The following ASCC3 variants were observed in gnomAD, a reference collection of about 807,000 sequenced individuals.
The protein encoded by ASCC3 is ASC-1 complex subunit P200.
Under a neutral mutation model 256.3 loss-of-function variants are expected in ASCC3, and 158 were observed. The observed-to-expected ratio is 0.62, with a 90% CI of 0.54 to 0.70. ASCC3 has a LOEUF of 0.70. Among genes scored for constraint, ASCC3 ranks in the 30% least tolerant of loss-of-function variants. ASCC3 has a pLI of 0.00. For missense variants in ASCC3, 2,259 were observed against 2,626.0 expected (o/e 0.86, Z 3.05); for synonymous variants, 948 against 883.4 (o/e 1.07, Z -1.30).
intron 34 of ASCC3, among the ~76,000 whole-genome samples, chr6:100,597,012 ATC>A (rs1327557408): frequency 1.3e-5 from 2 of 152,070 alleles, no homozygotes; most frequent in African/African-American, 4.8e-5. Flanking sequence ...CAGCCTTAAT[ATC>A]TCTCTTGTTC....
chr6:100,834,080 T>C (rs1248114334), intron 4 of ASCC3, among the ~76,000 whole-genome samples: 2 of 152,130 alleles, frequency 1.3e-5, no homozygotes, highest in East Asian at 1.9e-4. Context: ...ACAAAAATTA[T>C]CTAGCTAAAT....
At chr6:100,846,137 A>G (rs536864335) in intron 4 of ASCC3, among the ~76,000 whole-genome samples, 1,563 of 83,330 alleles carry the variant, frequency 0.019, 25 homozygotes, top group African/African-American at 0.061. Flanking sequence ...TAGACAACAC[A>G]TAAGGTATAG....
At chr6:100,739,696 T>G (rs929226532) in intron 10 of ASCC3, among the ~76,000 whole-genome samples, 13 of 152,220 alleles carry the variant, frequency 8.5e-5, no homozygotes, top group African/African-American at 2.9e-4. Context: ...CTTATCTGCT[T>G]CTTCTAGATT....
At chr6:100,795,300 C>T (rs1195247539) in intron 8 of ASCC3, among the ~76,000 whole-genome samples, 1 of 151,132 alleles carries the variant, frequency 6.6e-6, no homozygotes, top group Non-Finnish European at 1.5e-5. Flanking sequence ...GAAAGCCTAT[C>T]TGGGAATCAG....
intron 13 of ASCC3, among the ~76,000 whole-genome samples, chr6:100,703,814 G>GGACT (rs1778454638): frequency 6.6e-6 from 1 of 151,746 alleles, no homozygotes; most frequent in African/African-American, 2.4e-5. Context: ...TGTTAACAAA[G>GGACT]GAATGAATAA....
chr6:100,689,298 A>G (rs1777726941), intron 13 of ASCC3, among the ~76,000 whole-genome samples: 4 of 152,216 alleles, frequency 2.6e-5, no homozygotes, highest in Admixed American at 2.6e-4. Flanking sequence ...ACTAGGTACA[A>G]TACACGTTAT....
At chr6:100,623,882 A>T (rs188730603) in intron 30 of ASCC3, among the ~76,000 whole-genome samples, 61 of 151,736 alleles carry the variant, frequency 4.0e-4, no homozygotes, top group African/African-American at 1.4e-3. Context: ...AGACACCATG[A>T]TATTGTTCTC....
intron 30 of ASCC3, among the ~76,000 whole-genome samples, chr6:100,608,918 C>A (rs948376450): frequency 1.4e-5 from 2 of 147,150 alleles, no homozygotes; most frequent in African/African-American, 5.0e-5. Flanking sequence ...TGCCCGCCAA[C>A]ATGCCCGTCT....
At chr6:100,546,134 A>C (rs1235047372) in intron 36 of ASCC3, among the ~76,000 whole-genome samples, 2 of 152,220 alleles carry the variant, frequency 1.3e-5, no homozygotes, top group Non-Finnish European at 2.9e-5. Context: ...AGAAATAAAA[A>C]AGGAATTCAT....
chr6:100,863,948 A>G (rs1773350627), intron 3 of ASCC3, 116 bp downstream of exon 3: 1 of 977,868 alleles, frequency 1.0e-6, no homozygotes. Flanking sequence ...AATTATGAAT[A>G]CTTAGATGCC....
intron 10 of ASCC3, among the ~76,000 whole-genome samples, chr6:100,738,345 T>A (rs999491343): frequency 2.0e-5 from 3 of 152,126 alleles, no homozygotes; most frequent in Non-Finnish European, 2.9e-5. Context: ...GGTTTTGTAG[T>A]TTGGGGTTTT....
chr6:100,745,103 C>T (rs541725862), intron 10 of ASCC3, among the ~76,000 whole-genome samples: 50 of 152,150 alleles, frequency 3.3e-4, no homozygotes, highest in African/African-American at 9.9e-4. Context: ...CCGAGGCAGG[C>T]GGATCACAAG....
chr6:100,732,790 T>TC (rs111803832), intron 10 of ASCC3, among the ~76,000 whole-genome samples: 148,220 of 152,246 alleles, frequency 0.97, 72,283 homozygotes, highest in East Asian at 1. Flanking sequence ...GGTACAGCTG[T>TC]CCAATTCGAG....
Position 100,877,370 on chromosome 6 carries a change from C to G in ASCC3, c.-42+3691G>C, listed in dbSNP as rs574789299. ...TACTTAAAATAGAATCTTGTACCCA[C>G]AAACCACACCTTGAAAAATGAACAG... is the stretch of plus-strand genomic sequence containing the variant. On this transcript the variant is annotated intron_variant, in intron 1 of 41. Transcript: ENST00000369162. 2.6e-5 allele frequency among the ~76,000 whole-genome samples: 4 copies of G among 152,188 alleles called. No individual in the cohort carries two copies. In the South Asian group the frequency reaches 8.3e-4, roughly 32 times the overall value.
chr6:100,860,327 T>C, intron 3 of ASCC3, among the ~76,000 whole-genome samples: 1 of 151,986 alleles, frequency 6.6e-6, no homozygotes, highest in East Asian at 1.9e-4. Context: ...TTTAAATAAT[T>C]TATATATTTT....
At chr6:100,774,660 C>T (rs745820029) in intron 8 of ASCC3, among the ~76,000 whole-genome samples, 4 of 152,090 alleles carry the variant, frequency 2.6e-5, no homozygotes, top group East Asian at 1.9e-4. Context: ...CCACTGCACC[C>T]GGCCCTAACT....
At chr6:100,806,418 A>G (rs1228970515) in intron 4 of ASCC3, among the ~76,000 whole-genome samples, 1 of 152,010 alleles carries the variant, frequency 6.6e-6, no homozygotes, top group Non-Finnish European at 1.5e-5. Context: ...AAAATTTCCG[A>G]AGCATATCCC....
intron 21 of ASCC3, among the ~76,000 whole-genome samples, 182 bp from the exon 22 acceptor site, chr6:100,646,951 C>G (rs933304506): frequency 2.6e-5 from 4 of 152,114 alleles, no homozygotes; most frequent in Non-Finnish European, 5.9e-5. Context: ...CTTGAATTAG[C>G]AATTCACAGT....
At chr6:100,807,451 A>G (rs80098416) in intron 4 of ASCC3, among the ~76,000 whole-genome samples, 2,481 of 151,922 alleles carry the variant, frequency 0.016, 73 homozygotes, top group African/African-American at 0.057. Context: ...AGTATGACAT[A>G]TGGAGTCCTA....
Sources: gnomAD v4.1 joint callset for allele counts (sites outside exome capture counted in the v4.1 genomes callset) on GRCh38, gnomAD v4.1.1 for gene constraint, MANE v1.5 for transcripts, NCBI Gene and HGNC (gene_info 2026-07-23, HGNC 2026-07-21) for gene names.